The following CSMD1 variants were observed in gnomAD, a reference collection of about 807,000 sequenced individuals.
The protein encoded by CSMD1 is CUB and Sushi multiple domains 1.
Under a neutral mutation model 417.5 loss-of-function variants are expected in CSMD1, and 213 were observed. The ratio of observed to expected loss-of-function variants is 0.51; its 90% CI spans 0.46 to 0.57. The LOEUF is 0.57. Ranked by LOEUF, CSMD1 falls within the 20% of genes least tolerant of loss-of-function variation. CSMD1 has a pLI of 0.00. For synonymous variants in CSMD1, 2,862 were observed against 1,736.8 expected (o/e 1.65, Z -16.11); for missense variants, 6,923 against 4,529.7 (o/e 1.53, Z -15.17).
intron 26 of CSMD1, among the ~76,000 whole-genome samples, chr8:3,272,993 C>CA (rs1459570702): frequency 6.6e-6 from 1 of 151,050 alleles, no homozygotes; most frequent in Non-Finnish European, 1.5e-5. Context: ...TGAGAGAGGG[C>CA]ATCCCTGTCT....
chr8:4,306,684 C>G (rs902408593), intron 3 of CSMD1, among the ~76,000 whole-genome samples: 1 of 152,048 alleles, frequency 6.6e-6, no homozygotes, highest in African/African-American at 2.4e-5. Context: ...AATTCACATG[C>G]TCTCCTCTTC....
At chr8:4,839,036 T>C (rs28675316) in intron 1 of CSMD1, among the ~76,000 whole-genome samples, 61,312 of 152,086 alleles carry the variant, frequency 0.4, 13,921 homozygotes, top group East Asian at 0.68. Context: ...GTATAACTTT[T>C]TGGAATTGGT....
chr8:4,105,545 A>G (rs1389931582), intron 3 of CSMD1, among the ~76,000 whole-genome samples: 2 of 152,220 alleles, frequency 1.3e-5, no homozygotes, highest in African/African-American at 4.8e-5. Flanking sequence ...GCAGACAATT[A>G]AAAAATACGA....
chr8:3,411,933 C>T (rs1207532307), intron 12 of CSMD1, among the ~76,000 whole-genome samples: 1 of 121,418 alleles, frequency 8.2e-6, no homozygotes, highest in Non-Finnish European at 1.7e-5. Flanking sequence ...TATATATACA[C>T]GTATATATGC....
intron 25 of CSMD1, among the ~76,000 whole-genome samples, chr8:3,307,067 C>T (rs183173342): frequency 1.8e-4 from 27 of 152,262 alleles, no homozygotes; most frequent in Admixed American, 5.2e-4. Context: ...CCCATCCCTG[C>T]ACACAAGTCT....
chr8:3,693,646 A>G (rs1326901688), intron 7 of CSMD1, among the ~76,000 whole-genome samples: 1 of 152,232 alleles, frequency 6.6e-6, no homozygotes, highest in Non-Finnish European at 1.5e-5. Flanking sequence ...ATGTGTACAT[A>G]TATGTAGTTA....
rs751110398 is a variant in CSMD1 at position 4,032,108 on chromosome 8, A to G, written c.416-9T>C. ...AGTGTGGCTAGGTAAAACTATTGGA[A>G]AAAGAAAAGAAAGGAGAAAAAACAA... On this transcript the variant is annotated splice_polypyrimidine_tract_variant and intron_variant, in intron 3 of 69. Transcript: ENST00000635120. 3.8e-6 allele frequency: 6 copies of G among 1,584,360 alleles called. No individual in the cohort carries two copies. The highest frequency in any genetic ancestry group is 1.7e-5 in the Admixed American group (1 of 57,992).
In CSMD1 at chr8:3,308,495, G is replaced by T; in HGVS notation, c.3640C>A (p.Leu1214Met). Reference protein sequence around the residue: ...GFQLTYTSFDLVKCEDPGIPN... With the variant: ...GFQLTYTSFDMVKCEDPGIPN... ...ATGCCCGGATCCTCACATTTTACCA[G>T]ATCAAAACCTGCAAGAGAGAAAGGC... Residue 1214 changes from leucine (L) to methionine (M), a missense_variant, in exon 24 of 70, where the codon CTG becomes ATG. Coordinates refer to ENST00000635120, the MANE Select transcript of CSMD1 (RefSeq NM_033225.6). The T allele has an allele frequency of 1.2e-6, 2 of 1,610,598 alleles. No individual in the cohort carries two copies. The highest frequency in any genetic ancestry group is 1.1e-5 in the South Asian group (1 of 90,656).
chr8:4,159,543 G>A (rs911868639), intron 3 of CSMD1, among the ~76,000 whole-genome samples: 3 of 152,126 alleles, frequency 2.0e-5, no homozygotes, highest in Middle Eastern at 3.2e-3. Flanking sequence ...GCCATAAAAA[G>A]CAATGAATTA....
intron 5 of CSMD1, among the ~76,000 whole-genome samples, chr8:3,923,949 A>T (rs750942153): frequency 6.6e-6 from 1 of 152,198 alleles, no homozygotes; most frequent in Non-Finnish European, 1.5e-5. Context: ...CCATTATTAC[A>T]GTATTAGAAT....
At chr8:4,519,723 G>T (rs1370820852) in intron 2 of CSMD1, among the ~76,000 whole-genome samples, 1 of 108,338 alleles carries the variant, frequency 9.2e-6, no homozygotes, top group Non-Finnish European at 1.7e-5. Flanking sequence ...AGCCTAGGCA[G>T]CAGAGTCAGA....
chr8:4,214,000 G>A (rs1800480118), intron 3 of CSMD1, among the ~76,000 whole-genome samples: 1 of 152,056 alleles, frequency 6.6e-6, no homozygotes, highest in Non-Finnish European at 1.5e-5. Context: ...AACAGAAAGG[G>A]GCAAAGTTCT....
At chr8:3,186,700 C>T (rs547709282) in intron 36 of CSMD1, among the ~76,000 whole-genome samples, 1 of 152,230 alleles carries the variant, frequency 6.6e-6, no homozygotes, top group East Asian at 1.9e-4. Context: ...ATATTCCAGC[C>T]TCCCTTTGCA....
intron 3 of CSMD1, among the ~76,000 whole-genome samples, chr8:4,394,582 G>T (rs1003720102): frequency 6.6e-6 from 1 of 152,134 alleles, no homozygotes; most frequent in Admixed American, 6.6e-5. Context: ...CATGTCTGTG[G>T]ATGCCCCCAG....
chr8:3,607,051 T>A (rs904879125), intron 8 of CSMD1, among the ~76,000 whole-genome samples: 1 of 152,160 alleles, frequency 6.6e-6, no homozygotes, highest in Non-Finnish European at 1.5e-5. Flanking sequence ...TTTGCAATAA[T>A]ACTCAGTTTA....
At chr8:3,067,676 T>G (rs1813032156) in intron 49 of CSMD1, among the ~76,000 whole-genome samples, 1 of 150,730 alleles carries the variant, frequency 6.6e-6, no homozygotes, top group Admixed American at 6.6e-5. Flanking sequence ...AAAATTTATA[T>G]TCACTAACTA....
At chr8:4,451,421 C>T (rs1009637399) in intron 2 of CSMD1, among the ~76,000 whole-genome samples, 2 of 152,122 alleles carry the variant, frequency 1.3e-5, no homozygotes, top group African/African-American at 4.8e-5. Flanking sequence ...GTGTTTTCCA[C>T]ACTGAAAAAG....
At chr8:4,410,516 C>G (rs1003861913) in intron 3 of CSMD1, among the ~76,000 whole-genome samples, 7 of 152,142 alleles carry the variant, frequency 4.6e-5, no homozygotes, top group African/African-American at 1.7e-4. Context: ...ATAAGAGAGA[C>G]AGAAAGAGAC....
intron 1 of CSMD1, among the ~76,000 whole-genome samples, chr8:4,834,507 G>C (rs1453365760): frequency 6.6e-6 from 1 of 152,006 alleles, no homozygotes; most frequent in Non-Finnish European, 1.5e-5. Context: ...GAGTTGTAAG[G>C]GATCAACACA....
Sources: gnomAD v4.1 joint callset for allele counts (sites outside exome capture counted in the v4.1 genomes callset) on GRCh38, gnomAD v4.1.1 for gene constraint, MANE v1.5 for transcripts, NCBI Gene and HGNC (gene_info 2026-07-23, HGNC 2026-07-21) for gene names.